Variants in MATR3 observed in about 807,000 individuals in gnomAD.
MATR3 encodes the protein matrin 3, also known as matrin-3.
In MATR3, 4 loss-of-function variants were observed where a neutral mutation model predicts 85.5. The ratio of observed to expected loss-of-function variants is 0.05; its 90% CI spans 0.02 to 0.11. MATR3 has a LOEUF of 0.11. Among genes scored for constraint, MATR3 ranks in the 10% least tolerant of loss-of-function variants. The pLI is 1.00. For synonymous variants in MATR3, 336 were observed against 343.1 expected, an observed-to-expected ratio of 0.98 and a Z score of 0.23; for missense variants, 685 against 1,016.1, an observed-to-expected ratio of 0.67 and a Z score of 4.43.
intron 1 of MATR3, among the ~76,000 whole-genome samples, chr5:139,298,606 CT>C (rs1235330692): frequency 1.3e-5 from 2 of 152,070 alleles, no homozygotes; most frequent in South Asian, 4.1e-4. Flanking sequence ...TCCAAATATT[CT>C]TTGTGTGTAG....
intron 9 of MATR3, among the ~76,000 whole-genome samples, chr5:139,320,634 TTTTG>T (rs1468387843): frequency 6.6e-6 from 1 of 152,124 alleles, no homozygotes; most frequent in Non-Finnish European, 1.5e-5. Context: ...AGAACATCTT[TTTTG>T]TTTTTCTTTT....
chr5:139,300,488 T>C (rs1020452198), intron 1 of MATR3, among the ~76,000 whole-genome samples: 1 of 152,248 alleles, frequency 6.6e-6, no homozygotes, highest in Non-Finnish European at 1.5e-5. Context: ...ATAAGCTCTT[T>C]ATTCATTTGT....
At chr5:139,295,108 T>G (rs1754075717) in intron 1 of MATR3, 1 of 152,238 alleles carries the variant, frequency 6.6e-6, no homozygotes, top group African/African-American at 2.4e-5. Context: ...ATCTAAACAG[T>G]TGACTATGCG....
chr5:139,331,642 C>T lies in MATR3; in HGVS notation c.*2247C>T, dbSNP rs909899439. 2.2e-6 allele frequency: 1 copy of T among 448,642 alleles called. No homozygotes were observed. Among genetic ancestry groups the T allele is most frequent in the East Asian group, 7.0e-5 (1 of 14,380 alleles). The allele number at this position is 448,642 out of a possible 1,614,324, so 27.8% of individuals were successfully genotyped here. On this transcript the variant is annotated 3_prime_UTR_variant, in exon 15 of 15. Coordinates refer to ENST00000394805, the MANE Select transcript of MATR3 (RefSeq NM_018834.6). ...GCCCTTAGTTTAATCTTACATTATC[C>T]TACAAAAGTGAATGAAACTTCTAGA... is the stretch of plus-strand genomic sequence containing the variant.
chr5:139,325,773 A>T, intron 13 of MATR3, 111 bp downstream of exon 13: 1 of 949,030 alleles, frequency 1.1e-6, no homozygotes, highest in Non-Finnish European at 1.7e-6. Flanking sequence ...TAGCATTTTA[A>T]ATTTGCTTTG....
chr5:139,293,869 G>A (rs1440858401), intron 1 of MATR3, 64 bp downstream of exon 1: 3 of 690,740 alleles, frequency 4.3e-6, no homozygotes, highest in Non-Finnish European at 4.1e-6. Flanking sequence ...CCGCCGGGAG[G>A]GGACAACGAC....
intron 1 of MATR3, 122 bp downstream of exon 1, chr5:139,293,927 C>T (rs924899888): frequency 1.7e-6 from 2 of 1,211,534 alleles, no homozygotes; most frequent in South Asian, 3.5e-5. Context: ...CTTGCTCGCT[C>T]CCGCTCTGCC....
intron 1 of MATR3, among the ~76,000 whole-genome samples, chr5:139,296,965 TTC>T (rs1754187507): frequency 6.6e-6 from 1 of 151,934 alleles, no homozygotes; most frequent in South Asian, 2.1e-4. Context: ...AGGTAAAGAG[TTC>T]TGAGACCAGC....
rs1755326288 is a variant in MATR3 at position 139,317,741 on chromosome 5, TATTATTCA to T, written c.1308+21_1308+28del. Reference sequence around the variant, plus strand: ...AATGAGGTATGAATTGAAATATTGGTATTATTCATTTATTCATGCCACTAATATATGTT... The same window carrying T: ...AATGAGGTATGAATTGAAATATTGGTTTTATTCATGCCACTAATATATGTT... On this transcript the variant is annotated intron_variant, in intron 7 of 14. Transcript: ENST00000394805. The T allele has an allele frequency of 1.3e-6, 2 of 1,547,534 alleles. No homozygotes were observed. The highest frequency in any genetic ancestry group is 2.3e-5 in the South Asian group (2 of 87,570).
intron 9 of MATR3, among the ~76,000 whole-genome samples, chr5:139,320,245 C>A (rs565279080): frequency 6.6e-6 from 1 of 151,800 alleles, no homozygotes; most frequent in Admixed American, 6.6e-5. Flanking sequence ...GGAGGCGGAG[C>A]TTGCAATGAC....
chr5:139,278,916 G>A (rs746887017), intron 2 of MATR3: 3 of 517,336 alleles, frequency 5.8e-6, no homozygotes, highest in Non-Finnish European at 7.7e-6. Flanking sequence ...TTTGGGCAGT[G>A]TTTTGCACCT....
chr5:139,275,908 A>G (rs905442019), intron 1 of MATR3, among the ~76,000 whole-genome samples: 1 of 152,194 alleles, frequency 6.6e-6, no homozygotes, highest in African/African-American at 2.4e-5. Context: ...GCTCCCTGAT[A>G]TTTGTTTAAT....
At chr5:139,319,642 G>A (rs1402326625) in intron 9 of MATR3, 141 bp downstream of exon 9, 4 of 676,204 alleles carry the variant, frequency 5.9e-6, no homozygotes, top group Non-Finnish European at 1.0e-5. Flanking sequence ...GAGGTCAGGA[G>A]TTCGAGACCA....
intron 1 of MATR3, among the ~76,000 whole-genome samples, chr5:139,299,200 A>G (rs555180656): frequency 1.1e-4 from 17 of 152,322 alleles, no homozygotes; most frequent in Middle Eastern, 3.4e-3. Context: ...GCCTTGAGAA[A>G]ATAACTGGTA....
At chr5:139,301,007 G>T (rs544833502) in intron 1 of MATR3, among the ~76,000 whole-genome samples, 227 of 152,160 alleles carry the variant, frequency 1.5e-3, no homozygotes, top group African/African-American at 5.1e-3. Context: ...TAGAGACAGG[G>T]TTTCCCCATG....
intron 3 of MATR3, among the ~76,000 whole-genome samples, chr5:139,281,497 C>T (rs1753524758): frequency 6.6e-6 from 1 of 151,898 alleles, no homozygotes; most frequent in Admixed American, 6.6e-5. Context: ...CACACGCCAC[C>T]ACACCTGGCT....
intron 12 of MATR3, chr5:139,325,151 C>A: frequency 1.8e-6 from 2 of 1,133,656 alleles, no homozygotes; most frequent in Non-Finnish European, 2.4e-6. Context: ...CGAGATCGCG[C>A]CACTGCACCC....
rs777384577 is a variant in MATR3 at position 139,331,339 on chromosome 5, G to A, written c.*1944G>A. On this transcript the variant is annotated 3_prime_UTR_variant, in exon 15 of 15. Transcript: ENST00000394805. ...GTTTAATTCCAATTTTTAACAGCAG[G>A]TACATAAAGCATTATGTGCACAATG... 8.8e-6 allele frequency: 4 copies of A among 453,962 alleles called. No homozygotes were observed. Among genetic ancestry groups the A allele is most frequent in the Admixed American group, 7.1e-5 (3 of 42,548 alleles). The allele number at this position is 453,962 out of a possible 1,614,324, so 28.1% of individuals were successfully genotyped here.
intron 3 of MATR3, among the ~76,000 whole-genome samples, chr5:139,280,959 T>A (rs1204614002): frequency 2.0e-5 from 3 of 147,866 alleles, no homozygotes; most frequent in African/African-American, 7.4e-5. Flanking sequence ...CCCTGTCGAT[T>A]TTTTTTTTTT....
Sources: gnomAD v4.1 joint callset for allele counts (sites outside exome capture counted in the v4.1 genomes callset) on GRCh38, gnomAD v4.1.1 for gene constraint, MANE v1.5 for transcripts, NCBI Gene and HGNC (gene_info 2026-07-23, HGNC 2026-07-21) for gene names.